Variants in CSMD1 observed in about 807,000 individuals in gnomAD.
CSMD1 encodes the protein CUB and sushi domain-containing protein 1.
A neutral mutation model predicts 417.5 loss-of-function variants in CSMD1; 213 were observed. The ratio of observed to expected loss-of-function variants is 0.51; its 90% CI spans 0.46 to 0.57. The LOEUF is 0.57. CSMD1 is among the 20% of genes least tolerant of loss of function. The pLI is 0.00. For missense variants in CSMD1, 6,923 were observed against 4,529.7 expected, an observed-to-expected ratio of 1.53 and a Z score of -15.17; for synonymous variants, 2,862 against 1,736.8, an observed-to-expected ratio of 1.65 and a Z score of -16.11.
rs1802775159 is a variant in CSMD1, at chr8:4,376,774, T to A, written c.415+43179A>T. Among the ~76,000 whole-genome samples the A allele has an allele frequency of 2.0e-5, 3 of 152,248 alleles. No individual in the cohort carries two copies. In the South Asian group the frequency reaches 6.2e-4, roughly 31 times the overall value. On this transcript the variant is annotated intron_variant, in intron 3 of 69. Coordinates refer to ENST00000635120, the MANE Select transcript of CSMD1 (RefSeq NM_033225.6). ...CTGCAATATTTTTCAGCCTGTTTGA[T>A]AACCAACTCTATTTTCTGTTGTCCG...
Position 4,214,949 on chromosome 8 carries a change from G to C in CSMD1, c.416-182850C>G, listed in dbSNP as rs549622279. Among the ~76,000 whole-genome samples, 3 of 152,226 alleles carry C rather than the reference G, an allele frequency of 2.0e-5. No homozygotes were observed. The East Asian group carries it at 5.8e-4, about 29-fold the overall frequency. The stretch of plus-strand genomic sequence containing the variant: ...CTCACTTTTAATGAGCACAAACGAA[G>C]CTCACTTCACGTGAGATACAGGCAC... On this transcript the variant is annotated intron_variant, in intron 3 of 69. Transcript: ENST00000635120.
Position 3,674,176 on chromosome 8 carries a change from C to T in CSMD1, c.1009+34238G>A, listed in dbSNP as rs138892631. ...TGAGCAACATTCATAATGAAGACTTCGAGAAAATACAAGACCCTGAGTTGT... is the reference window on the plus strand; with the variant it reads ...TGAGCAACATTCATAATGAAGACTTTGAGAAAATACAAGACCCTGAGTTGT... On this transcript the variant is annotated intron_variant, in intron 7 of 69. Transcript: ENST00000635120. 4.1e-3 allele frequency among the ~76,000 whole-genome samples: 629 copies of T among 152,162 alleles called. 1 individual carries two copies. Among genetic ancestry groups the T allele is most frequent in the Non-Finnish European group, 7.0e-3 (478 of 68,016 alleles).
intron 5 of CSMD1, among the ~76,000 whole-genome samples, chr8:3,795,066 A>ATATATCATGTATAGCTATAGATACG (rs1191811758): frequency 0.011 from 865 of 81,758 alleles, 18 homozygotes; most frequent in Middle Eastern, 0.025. Context: ...CTATAGATAT[A>ATATATCATGTATAGCTATAGATACG]TATCTATCAT....
chr8:4,036,108 A>C (rs1396694171), intron 3 of CSMD1, among the ~76,000 whole-genome samples: 1 of 152,178 alleles, frequency 6.6e-6, no homozygotes, highest in African/African-American at 2.4e-5. Flanking sequence ...GCACTCTAGG[A>C]GTACTAGGCT....
At chr8:3,001,333 C>G (rs552984719) in intron 52 of CSMD1, among the ~76,000 whole-genome samples, 26 of 152,230 alleles carry the variant, frequency 1.7e-4, no homozygotes, top group African/African-American at 5.8e-4. Context: ...TGCCTCTTTA[C>G]TGCTCTCACT....
At chr8:4,710,938 C>T (rs569064504) in intron 1 of CSMD1, among the ~76,000 whole-genome samples, 1 of 151,866 alleles carries the variant, frequency 6.6e-6, no homozygotes, top group Non-Finnish European at 1.5e-5. Flanking sequence ...ATAAAAGGAC[C>T]ATGCCCTATC....
intron 2 of CSMD1, among the ~76,000 whole-genome samples, chr8:4,555,338 G>A (rs961922141): frequency 6.6e-6 from 1 of 152,118 alleles, no homozygotes; most frequent in Admixed American, 6.5e-5. Flanking sequence ...AAAACAAATG[G>A]ACCTGGCAAT....
intron 5 of CSMD1, among the ~76,000 whole-genome samples, chr8:3,964,422 T>C (rs1466662711): frequency 1.3e-5 from 2 of 152,194 alleles, no homozygotes; most frequent in Admixed American, 6.5e-5. Context: ...GTTTTTTGAC[T>C]GAGGCCTTAA....
chr8:3,256,323 A>G (rs76460875), intron 26 of CSMD1, among the ~76,000 whole-genome samples: 20 of 138,060 alleles, frequency 1.4e-4, no homozygotes, highest in Admixed American at 5.9e-4. Context: ...AAAAAAAAAA[A>G]AAGAGAAGAA....
At chr8:4,787,797 G>T in intron 1 of CSMD1, 3 of 1,574,014 alleles carry the variant, frequency 1.9e-6, no homozygotes, top group Non-Finnish European at 2.6e-6. Context: ...AGACTGAATT[G>T]GATATCATGA....
chr8:3,510,423 G>C (rs1457867455), intron 10 of CSMD1, among the ~76,000 whole-genome samples: 3 of 151,688 alleles, frequency 2.0e-5, no homozygotes, highest in African/African-American at 7.3e-5. Context: ...TTGCTGATTT[G>C]GCCTGGCATG....
In CSMD1 at chr8:3,176,371, T is replaced by G. The variant is rs369536176; in HGVS notation, c.5725+4739A>C. 5.9e-5 allele frequency among the ~76,000 whole-genome samples: 9 copies of G among 152,272 alleles called. No individual in the cohort carries two copies. The East Asian group carries it at 1.5e-3, about 26-fold the overall frequency. Reference sequence around the variant, plus strand: ...GTTTTCACAGTTATGATGAAATCCATCACTATATTAAAGTTATGTGGGGGA... The same window carrying G: ...GTTTTCACAGTTATGATGAAATCCAGCACTATATTAAAGTTATGTGGGGGA... On this transcript the variant is annotated intron_variant, in intron 37 of 69. Coordinates refer to ENST00000635120, the MANE Select transcript of CSMD1 (RefSeq NM_033225.6).
chr8:4,057,297 T>C (rs1172475204), intron 3 of CSMD1, among the ~76,000 whole-genome samples: 1 of 152,198 alleles, frequency 6.6e-6, no homozygotes, highest in Non-Finnish European at 1.5e-5. Context: ...TGGTGAGCAT[T>C]TTTTCATGTG....
intron 2 of CSMD1, among the ~76,000 whole-genome samples, chr8:4,476,842 C>T (rs772414606): frequency 3.3e-5 from 5 of 152,020 alleles, no homozygotes; most frequent in African/African-American, 1.2e-4. Flanking sequence ...GGATTCCTTA[C>T]GAAAAAAGCT....
chr8:4,358,983 C>T (rs910687261), intron 3 of CSMD1, among the ~76,000 whole-genome samples: 3 of 143,966 alleles, frequency 2.1e-5, no homozygotes, highest in Non-Finnish European at 4.5e-5. Flanking sequence ...CACACACACA[C>T]ATTTAAGTTG....
chr8:4,333,726 G>A (rs573068999), intron 3 of CSMD1, among the ~76,000 whole-genome samples: 10 of 152,184 alleles, frequency 6.6e-5, no homozygotes, highest in Admixed American at 4.6e-4. Context: ...TGCTTACAAT[G>A]ACAGATTCCA....
At chr8:4,437,137 G>A (rs1306676363) in intron 2 of CSMD1, among the ~76,000 whole-genome samples, 2 of 152,116 alleles carry the variant, frequency 1.3e-5, no homozygotes, top group East Asian at 3.9e-4. Flanking sequence ...TCTTTTAGGG[G>A]AATTTTAGAA....
At chr8:2,995,159 C>T (rs949865184) in intron 54 of CSMD1, among the ~76,000 whole-genome samples, 1 of 152,122 alleles carries the variant, frequency 6.6e-6, no homozygotes, top group Non-Finnish European at 1.5e-5. Context: ...ATGACTATTA[C>T]ACAGAATAAA....
At chr8:4,717,033 A>C (rs558710738) in intron 1 of CSMD1, among the ~76,000 whole-genome samples, 7 of 152,086 alleles carry the variant, frequency 4.6e-5, no homozygotes, top group Non-Finnish European at 8.8e-5. Context: ...TCTCCTCTTT[A>C]TTCCTGAATA....
Sources: gnomAD v4.1 joint callset for allele counts (sites outside exome capture counted in the v4.1 genomes callset) on GRCh38, gnomAD v4.1.1 for gene constraint, MANE v1.5 for transcripts, NCBI Gene and HGNC (gene_info 2026-07-23, HGNC 2026-07-21) for gene names.